Variants in ARHGAP6 observed in about 807,000 individuals in gnomAD.
ARHGAP6 encodes the protein rho GTPase-activating protein 6.
In ARHGAP6, 16 loss-of-function variants were observed where a neutral mutation model predicts 55.7. The observed-to-expected ratio is 0.29, with a 90% CI of 0.19 to 0.44. The LOEUF (loss-of-function observed/expected upper bound fraction) is 0.44. ARHGAP6 is among the 20% of genes least tolerant of loss of function. ARHGAP6 has a pLI of 1.00. For missense variants in ARHGAP6, 698 were observed against 808.9 expected (o/e 0.86, Z 1.66); for synonymous variants, 382 against 360.9 (o/e 1.06, Z -0.66).
intron 1 of ARHGAP6, chrX:11,290,289 C>G: frequency 3.9e-6 from 1 of 258,911 alleles, no homozygotes; most frequent in South Asian, 5.2e-5. Flanking sequence ...TCTACATTTT[C>G]ATTAATTCAT....
intron 1 of ARHGAP6, among the ~76,000 whole-genome samples, chrX:11,278,042 G>A (rs2047801309): frequency 8.9e-6 from 1 of 111,743 alleles, no homozygotes; most frequent in South Asian, 3.7e-4. Context: ...TGAGTTGCTA[G>A]GGTCAAAAGC....
At chrX:11,514,838 G>GCACACACA (rs71928650) in intron 1 of ARHGAP6, among the ~76,000 whole-genome samples, 2 of 96,256 alleles carry the variant, frequency 2.1e-5, no homozygotes, top group African/African-American at 3.8e-5. Context: ...TCTATGCATT[G>GCACACACA]CACACACACA....
intron 1 of ARHGAP6, among the ~76,000 whole-genome samples, chrX:11,382,279 T>G (rs1055521694): frequency 2.7e-5 from 3 of 111,292 alleles, no homozygotes; most frequent in East Asian, 2.8e-4. Flanking sequence ...AGTTTGGGCA[T>G]CCTGATCACT....
chrX:11,267,996 A>G (rs1428786228), intron 1 of ARHGAP6, among the ~76,000 whole-genome samples: 1 of 112,415 alleles, frequency 8.9e-6, no homozygotes, highest in African/African-American at 3.2e-5. Context: ...CGCTAATCAC[A>G]AAAAGTGCTG....
intron 1 of ARHGAP6, among the ~76,000 whole-genome samples, chrX:11,323,800 G>A (rs1020152912): frequency 9.5e-6 from 1 of 104,845 alleles, no homozygotes; most frequent in Non-Finnish European, 1.9e-5. Flanking sequence ...GGGAGGCAGA[G>A]GTTGCAGTGA....
At chrX:11,185,880 G>A (rs950576548) in intron 5 of ARHGAP6, among the ~76,000 whole-genome samples, 3 of 110,857 alleles carry the variant, frequency 2.7e-5, no homozygotes, top group African/African-American at 9.9e-5. Context: ...TAACCTCCTA[G>A]GCTACTTTTA....
At chrX:11,281,149 G>A (rs188753157) in intron 1 of ARHGAP6, among the ~76,000 whole-genome samples, 2 of 111,855 alleles carry the variant, frequency 1.8e-5, no homozygotes, top group East Asian at 2.8e-4. Context: ...CACGTTGAGC[G>A]AAAGAAGTCT....
At chrX:11,497,777 T>C (rs1041227118) in intron 1 of ARHGAP6, among the ~76,000 whole-genome samples, 4 of 109,667 alleles carry the variant, frequency 3.6e-5, no homozygotes, top group African/African-American at 1.3e-4. Flanking sequence ...TAAGACAGAG[T>C]TCATGAAAAT....
At chrX:11,578,506 C>G (rs1303080586) in intron 1 of ARHGAP6, among the ~76,000 whole-genome samples, 1 of 111,773 alleles carries the variant, frequency 8.9e-6, no homozygotes, top group Non-Finnish European at 1.9e-5. Context: ...GTTAGAATGG[C>G]TATCATTAAA....
intron 8 of ARHGAP6, among the ~76,000 whole-genome samples, chrX:11,175,892 T>C (rs1044075665): frequency 1.8e-5 from 2 of 109,252 alleles, no homozygotes; most frequent in Admixed American, 2.0e-4. Context: ...ATTCTGTACG[T>C]CTTTTCTCTT....
intron 1 of ARHGAP6, among the ~76,000 whole-genome samples, chrX:11,445,117 T>C (rs1004775450): frequency 2.7e-5 from 3 of 112,631 alleles, no homozygotes; most frequent in African/African-American, 9.7e-5. Flanking sequence ...TTTATTTTTA[T>C]TGAGAAGAAC....
At chrX:11,475,012 C>T (rs2050389594) in intron 1 of ARHGAP6, among the ~76,000 whole-genome samples, 1 of 111,092 alleles carries the variant, frequency 9.0e-6, no homozygotes, top group African/African-American at 3.3e-5. Flanking sequence ...TACCATAGTA[C>T]TTTTATAGCC....
intron 1 of ARHGAP6, among the ~76,000 whole-genome samples, chrX:11,570,066 A>G (rs1199866705): frequency 8.9e-6 from 1 of 112,125 alleles, no homozygotes; most frequent in Non-Finnish European, 1.9e-5. Context: ...TGGGTCTTGG[A>G]TCAAGAGGAA....
chrX:11,614,950 A>T (rs1207162917), intron 1 of ARHGAP6, among the ~76,000 whole-genome samples: 1 of 110,536 alleles, frequency 9.0e-6, no homozygotes, highest in Non-Finnish European at 1.9e-5. Flanking sequence ...TGAAAAAAAA[A>T]AGGTGGAGAC....
intron 3 of ARHGAP6, among the ~76,000 whole-genome samples, chrX:11,193,702 G>C (rs1421654666): frequency 1.8e-5 from 2 of 112,318 alleles, no homozygotes; most frequent in Non-Finnish European, 3.8e-5. Flanking sequence ...AGGCACTATA[G>C]AACATTTCAG....
chrX:11,359,883 C>T (rs182903617), intron 1 of ARHGAP6, among the ~76,000 whole-genome samples: 25 of 111,946 alleles, frequency 2.2e-4, no homozygotes, highest in East Asian at 5.6e-4. Flanking sequence ...AACACATCTA[C>T]GCAAATAAAC....
intron 1 of ARHGAP6, among the ~76,000 whole-genome samples, chrX:11,487,702 C>T (rs193238768): frequency 5.6e-4 from 62 of 111,541 alleles, no homozygotes; most frequent in African/African-American, 2.0e-3. Flanking sequence ...AATGTGGGAC[C>T]CTTTGAGCAT....
intron 1 of ARHGAP6, among the ~76,000 whole-genome samples, chrX:11,379,730 C>T (rs1481152932): frequency 1.8e-5 from 2 of 111,117 alleles, no homozygotes; most frequent in Admixed American, 9.6e-5. Context: ...AAAGCTTTCT[C>T]ATGAAATTTC....
intron 1 of ARHGAP6, among the ~76,000 whole-genome samples, chrX:11,378,623 C>G (rs981784498): frequency 8.9e-6 from 1 of 112,287 alleles, no homozygotes; most frequent in East Asian, 2.8e-4. Flanking sequence ...TATTTACCTT[C>G]CTAAAATCCC....
Sources: allele counts gnomAD v4.1 joint callset (sites outside exome capture counted in the v4.1 genomes callset), GRCh38; gene constraint gnomAD v4.1.1; transcripts MANE v1.5; gene names NCBI Gene and HGNC (gene_info 2026-07-23, HGNC 2026-07-21).